The following TJP3 variants were observed in gnomAD, a reference collection of about 807,000 sequenced individuals.
TJP3 encodes tight junction protein 3, also known as tight junction protein ZO-3.
TJP3 carries 85 observed loss-of-function variants against 104.2 expected under a neutral mutation model. That is an observed-to-expected ratio of 0.82 (90% CI 0.68 to 0.98). The LOEUF is 0.98. TJP3 is among the 50% of genes least tolerant of loss of function. TJP3 has a pLI of 0.00. For synonymous variants in TJP3, 550 were observed against 550.6 expected, an observed-to-expected ratio of 1.00 and a Z score of 0.02; for missense variants, 1,367 against 1,322.8, an observed-to-expected ratio of 1.03 and a Z score of -0.52.
chr19:3,746,636 C>T lies in TJP3; in HGVS notation c.2162C>T (p.Thr721Ile), dbSNP rs1385789063. The part of the protein sequence containing the change: ...QWLAPASRRS[T>I]RRLYAQAQKL... Reference sequence around the variant, plus strand: ...CTGGCGCCTGCCTCCCGCCGCAGCACCCGTCGCCTCTACGCACAAGCCCAG... The same window carrying T: ...CTGGCGCCTGCCTCCCGCCGCAGCATCCGTCGCCTCTACGCACAAGCCCAG... Residue 721 changes from threonine (T) to isoleucine (I), a missense_variant, in exon 17 of 21, where the codon ACC becomes ATC. By Grantham distance (89) the Thr-to-Ile change is moderately conservative. Transcript: ENST00000541714. This position sits in a 1 kb window ranked among gnomAD's most constrained non-coding sequence, Gnocchi z 4.1. 9 of 1,613,376 alleles carry T rather than the reference C, an allele frequency of 5.6e-6. No individual in the cohort carries two copies. Among genetic ancestry groups the T allele is most frequent in the African/African-American group, 1.3e-5 (1 of 75,058 alleles).
chr19:3,734,484 TGGGA>T, intron 8 of TJP3, 49 bp downstream of exon 8: 1 of 1,529,968 alleles, frequency 6.5e-7, no homozygotes, highest in Non-Finnish European at 8.8e-7. Flanking sequence ...GAGAGGGAGG[TGGGA>T]GGGAGAGGGG....
intron 1 of TJP3, 123 bp from the exon 2 acceptor site, chr19:3,728,301 C>A: frequency 6.7e-7 from 1 of 1,496,282 alleles, no homozygotes; most frequent in Non-Finnish European, 9.1e-7. Flanking sequence ...GAGGTAGTAA[C>A]TTGTCACAGG....
intron 1 of TJP3, chr19:3,721,753 G>A: frequency 2.5e-6 from 1 of 407,434 alleles, no homozygotes; most frequent in Non-Finnish European, 4.2e-6. Flanking sequence ...GAGCTGCGGA[G>A]CTGGAGGGAG....
At chr19:3,719,727 C>A (rs1485623235) in intron 1 of TJP3, among the ~76,000 whole-genome samples, 1 of 123,968 alleles carries the variant, frequency 8.1e-6, no homozygotes, top group South Asian at 2.7e-4. Flanking sequence ...AGCGAGACTC[C>A]GTCTCAAAAA....
rs1397995899 is a variant in TJP3, at chr19:3,746,537, A to T, written c.2063A>T (p.Tyr688Phe). Residue 688 changes from tyrosine to phenylalanine, a missense_variant, in exon 17 of 21, where the codon TAT becomes TTT. Tyr to Phe is a conservative substitution (Grantham distance 22, BLOSUM62 3). Transcript: ENST00000541714. This position sits in a 1 kb window ranked among gnomAD's most constrained non-coding sequence, Gnocchi z 4.1. ...VTPSAIERLN[Y>F]VQYYPIVVFF... ...CCCTCCGCCATCGAGCGCCTCAACT[A>T]TGTGCAGTACTACCCCATTGTGGTC... 5.0e-6 allele frequency: 8 copies of T among 1,613,718 alleles called. No homozygotes were observed. Among genetic ancestry groups the T allele is most frequent in the Non-Finnish European group, 6.8e-6 (8 of 1,179,988 alleles).
chr19:3,723,808 A>AAATATATAT (rs368301716), intron 1 of TJP3, among the ~76,000 whole-genome samples: 1 of 128,938 alleles, frequency 7.8e-6, no homozygotes, highest in South Asian at 2.5e-4. Flanking sequence ...AAAAAAAAAA[A>AAATATATAT]ATATATATAT....
chr19:3,726,134 C>T (rs952421960), intron 1 of TJP3, among the ~76,000 whole-genome samples: 7 of 152,230 alleles, frequency 4.6e-5, no homozygotes, highest in Admixed American at 3.3e-4. Flanking sequence ...AAACCCGCCC[C>T]GGGGAGGAGG....
chr19:3,731,062 C>A (rs1193643148), intron 5 of TJP3, among the ~76,000 whole-genome samples: 1 of 152,200 alleles, frequency 6.6e-6, no homozygotes, highest in Admixed American at 6.5e-5. Flanking sequence ...GCTTTTCTGT[C>A]CCTTTCTGCC....
At position 3,734,331 on chromosome 19, in the gene TJP3, C is replaced by A. The variant is rs1398074485; in HGVS notation, c.882C>A (p.Ile294=). The change falls in exon 8 of 21, where the codon ATC becomes ATA. Residue 294 remains isoleucine, a synonymous_variant. Coordinates refer to ENST00000541714, the MANE Select transcript of TJP3 (RefSeq NM_001267560.2). Reference sequence around the variant, plus strand: ...AGATGTCCTCTCCCCCTGCAGACATCTCGGACCTCGCCTCGGAGCTATCGC... The same window carrying A: ...AGATGTCCTCTCCCCCTGCAGACATATCGGACCTCGCCTCGGAGCTATCGC... ...SDSDSSPLED[I]SDLASELSQA... 1.1e-5 allele frequency: 18 copies of A among 1,613,724 alleles called. No homozygotes were observed. Among genetic ancestry groups the A allele is most frequent in the Non-Finnish European group, 1.5e-5 (18 of 1,180,008 alleles).
At chr19:3,717,172 T>C (rs1196496098) in intron 1 of TJP3, among the ~76,000 whole-genome samples, 21 of 145,306 alleles carry the variant, frequency 1.4e-4, no homozygotes, top group African/African-American at 4.4e-4. Context: ...TCCATGTTGG[T>C]CAGGCTGGTC....
Position 3,740,601 on chromosome 19 carries a change from G to A in TJP3, c.1681G>A (p.Gly561Arg), listed in dbSNP as rs758336915. 3.0e-5 allele frequency: 46 copies of A among 1,551,390 alleles called. No individual in the cohort carries two copies. The East Asian group carries it at 5.1e-4, about 17-fold the overall frequency. The change falls in exon 14 of 21, where the codon GGG (glycine) becomes AGG (arginine). Residue 561 changes from glycine to arginine, a missense_variant. Gly to Arg is a moderately radical substitution (Grantham distance 125). Coordinates refer to ENST00000541714, the MANE Select transcript of TJP3 (RefSeq NM_001267560.2). ...LEAAQRAVGV[G>R]PGSSAGSNAR... is the part of the protein sequence containing the mutation. Reference sequence around the variant, plus strand: ...AGCTGCCCAGAGGGCCGTGGGAGTCGGGCCCGGCTCCTCCGCGGGCTCCAA... The same window carrying A: ...AGCTGCCCAGAGGGCCGTGGGAGTCAGGCCCGGCTCCTCCGCGGGCTCCAA...
intron 1 of TJP3, chr19:3,721,950 G>T (rs1365139440): frequency 1.7e-6 from 2 of 1,151,800 alleles, no homozygotes; most frequent in African/African-American, 3.2e-5. Flanking sequence ...AGGGGCTCGG[G>T]CTGAGGTGGG....
intron 1 of TJP3, among the ~76,000 whole-genome samples, chr19:3,709,611 C>T (rs555683020): frequency 3.3e-5 from 5 of 152,232 alleles, no homozygotes; most frequent in East Asian, 1.9e-4. Context: ...GAGGGTCCCC[C>T]GGGGCCGAGG....
intron 1 of TJP3, among the ~76,000 whole-genome samples, chr19:3,724,282 G>A (rs370662751): frequency 2.0e-5 from 3 of 150,086 alleles, no homozygotes; most frequent in Non-Finnish European, 3.0e-5. Context: ...TGCAAGCTCC[G>A]CCTCCCAGGT....
Position 3,731,978 on chromosome 19 carries a change from TAC to T in TJP3, c.659_660del (p.Thr220ArgfsTer25), listed in dbSNP as rs1448369785. ...LGSQIFIKHI[T>X]DSGLAARHRG... ...GCAGTCAGATCTTCATCAAGCACATTACAGATTCGGGCCTGGCTGCCCGGCAC... is the reference window on the plus strand; with the variant it reads ...GCAGTCAGATCTTCATCAAGCACATTAGATTCGGGCCTGGCTGCCCGGCAC... On this transcript the variant is annotated frameshift_variant, in exon 6 of 21. Coordinates refer to ENST00000541714, the MANE Select transcript of TJP3 (RefSeq NM_001267560.2). LOFTEE classifies it high-confidence loss of function. 1 of 1,613,636 alleles carries T rather than the reference TAC, an allele frequency of 6.2e-7. No individual in the cohort carries two copies. Among genetic ancestry groups the T allele is most frequent in the African/African-American group, 1.3e-5 (1 of 74,884 alleles).
At chr19:3,747,249 C>T (rs1299655101) in intron 18 of TJP3, among the ~76,000 whole-genome samples, 1 of 151,760 alleles carries the variant, frequency 6.6e-6, no homozygotes, top group Non-Finnish European at 1.5e-5. Flanking sequence ...TTAGCAGAGA[C>T]GAGGTTTCAC....
chr19:3,739,966 G>C (rs913489565), intron 13 of TJP3, among the ~76,000 whole-genome samples: 3 of 152,138 alleles, frequency 2.0e-5, no homozygotes, highest in African/African-American at 4.8e-5. Context: ...AGGCACGGTG[G>C]CTCACGCCTG....
At position 3,733,901 on chromosome 19, in the gene TJP3, C is replaced by T. The variant is rs1187397356; in HGVS notation, c.866C>T (p.Ser289Leu). 2 of 1,613,868 alleles carry T rather than the reference C, an allele frequency of 1.2e-6. No individual in the cohort carries two copies. Among genetic ancestry groups the T allele is most frequent in the South Asian group, 1.1e-5 (1 of 91,064 alleles). ...IPPAVSDSDS[S>L]PLEDISDLAS... Reference sequence around the variant, plus strand: ...CCTGCTGTCAGTGACAGCGACAGCTCGCCATTGGAGGGTGAGGACCTAGAG... The same window carrying T: ...CCTGCTGTCAGTGACAGCGACAGCTTGCCATTGGAGGGTGAGGACCTAGAG... Residue 289 changes from serine to leucine, a missense_variant, in exon 7 of 21, where the codon TCG becomes TTG. By Grantham distance (145) the Ser-to-Leu change is moderately radical (BLOSUM62 -2). Transcript: ENST00000541714.
rs752388350 is a variant in TJP3, at chr19:3,736,213, C to A, written c.1176C>A (p.Ile392=). 3.8e-6 allele frequency: 6 copies of A among 1,596,504 alleles called. No individual in the cohort carries two copies. In the South Asian group the frequency reaches 4.5e-5, roughly 12 times the overall value. The change falls in exon 11 of 21, where the codon ATC becomes ATA. Residue 392 remains isoleucine, a synonymous_variant. Coordinates refer to ENST00000541714, the MANE Select transcript of TJP3 (RefSeq NM_001267560.2). ...RVVRFLKGKS[I]GLRLAGGNDV... is the part of the protein sequence containing the mutation. ...TCCGCTTCCTCAAGGGCAAGAGCATCGGGCTGCGGCTGGCAGGGGGCAATG... is the reference window on the plus strand; with the variant it reads ...TCCGCTTCCTCAAGGGCAAGAGCATAGGGCTGCGGCTGGCAGGGGGCAATG...
Sources: allele counts gnomAD v4.1 joint callset (sites outside exome capture counted in the v4.1 genomes callset), GRCh38; gene constraint gnomAD v4.1.1; non-coding constraint Gnocchi (gnomAD v3.1); transcripts MANE v1.5; gene names NCBI Gene and HGNC (gene_info 2026-07-23, HGNC 2026-07-21).